Variants in HADH observed in about 807,000 individuals in gnomAD.
The protein encoded by HADH is hydroxyacyl-CoA dehydrogenase.
In HADH, 24 loss-of-function variants were observed where a neutral mutation model predicts 32.2. The observed-to-expected ratio is 0.75, with a 90% confidence interval of 0.54 to 1.05. The LOEUF is 1.05. Among genes scored for constraint, HADH ranks in the 50% least tolerant of loss-of-function variants. HADH has a pLI of 0.00. For missense variants in HADH, 350 were observed against 397.1 expected (o/e 0.88, Z 1.01); for synonymous variants, 139 against 152.5 (o/e 0.91, Z 0.65).
Position 108,014,606 on chromosome 4 carries a change from A to G in HADH, c.419+18A>G. 1 of 1,593,208 alleles carries G rather than the reference A, an allele frequency of 6.3e-7. No individual in the cohort carries two copies. Among genetic ancestry groups the G allele is most frequent in the East Asian group, 2.2e-5 (1 of 44,782 alleles). ...GCTGCTGAGTATGTAACCTCTGGAC[A>G]ATCTTCTTTTTTTTTTTTTTTAACC... is the stretch of plus-strand genomic sequence containing the variant. On this transcript the variant is annotated intron_variant, in intron 3 of 7. Coordinates refer to ENST00000309522, the MANE Select transcript of HADH (RefSeq NM_005327.7).
intron 5 of HADH, chr4:108,026,352 A>G (rs1249517238): frequency 6.6e-6 from 1 of 152,184 alleles, no homozygotes; most frequent in East Asian, 1.9e-4. Context: ...GAGTTTAAAT[A>G]TTTAATGAGT....
At chr4:108,034,199 C>T in intron 7 of HADH, 40 bp from the exon 8 acceptor site, 4 of 1,288,752 alleles carry the variant, frequency 3.1e-6, no homozygotes, top group Non-Finnish European at 4.5e-6. Flanking sequence ...AAAAATAAAC[C>T]CAGCACTTCA....
chr4:107,999,449 A>G (rs2126220443), intron 1 of HADH, among the ~76,000 whole-genome samples: 1 of 152,358 alleles, frequency 6.6e-6, no homozygotes, highest in South Asian at 2.1e-4. Context: ...TCCACTTGGT[A>G]ATTGACTAGA....
intron 1 of HADH, among the ~76,000 whole-genome samples, chr4:108,001,137 T>A (rs1422241338): frequency 6.6e-6 from 1 of 152,182 alleles, no homozygotes; most frequent in African/African-American, 2.4e-5. Context: ...GCCTGAATAA[T>A]GGATAGAACA....
At chr4:108,024,627 G>A (rs1735998488) in intron 5 of HADH, 2 of 152,102 alleles carry the variant, frequency 1.3e-5, no homozygotes, top group South Asian at 2.1e-4. Flanking sequence ...GTTTGGTTCT[G>A]TAGTTTTAAG....
chr4:108,002,168 G>A (rs982235333), intron 1 of HADH, among the ~76,000 whole-genome samples: 1 of 152,162 alleles, frequency 6.6e-6, no homozygotes, highest in Non-Finnish European at 1.5e-5. Flanking sequence ...CAGAGCAGGG[G>A]TCCCCAACTT....
chr4:108,016,056 T>C (rs747992226), intron 3 of HADH, among the ~76,000 whole-genome samples: 9 of 152,148 alleles, frequency 5.9e-5, no homozygotes, highest in Non-Finnish European at 1.3e-4. Flanking sequence ...TCAATCGAAG[T>C]ACTCTTGGGA....
intron 5 of HADH, chr4:108,024,720 AAGT>A (rs969691059): frequency 1.3e-5 from 2 of 152,252 alleles, no homozygotes; most frequent in African/African-American, 4.8e-5. Context: ...TAGTGGAAGA[AAGT>A]AGTAATGGTA....
chr4:108,000,908 G>C (rs1375113336), intron 1 of HADH, among the ~76,000 whole-genome samples: 1 of 152,158 alleles, frequency 6.6e-6, no homozygotes, highest in African/African-American at 2.4e-5. Context: ...CATATTCAAG[G>C]CATGTGATAA....
intron 2 of HADH, among the ~76,000 whole-genome samples, chr4:108,010,644 C>A (rs1207934849): frequency 6.6e-6 from 1 of 151,960 alleles, no homozygotes; most frequent in African/African-American, 2.4e-5. Context: ...TATCTAGATG[C>A]TTTTAAAAAT....
intron 5 of HADH, chr4:108,025,087 T>C (rs1285576383): frequency 1.3e-5 from 2 of 152,234 alleles, no homozygotes; most frequent in Admixed American, 1.3e-4. Flanking sequence ...ATACAGTCTC[T>C]GTTGCAAGTA....
chr4:108,014,127 A>G (rs1047396591), intron 2 of HADH, among the ~76,000 whole-genome samples: 2 of 152,202 alleles, frequency 1.3e-5, no homozygotes, highest in African/African-American at 4.8e-5. Flanking sequence ...CAGGCATATG[A>G]CAGACAATAA....
intron 5 of HADH, chr4:108,024,741 G>T (rs540584432): frequency 4.1e-4 from 63 of 152,208 alleles, no homozygotes; most frequent in Non-Finnish European, 8.7e-4. Context: ...GTATTGAAAA[G>T]AACATCTGTG....
chr4:107,998,060 C>T lies in HADH; in HGVS notation c.132+7996C>T, dbSNP rs543610913. On this transcript the variant is annotated intron_variant, in intron 1 of 7. Coordinates refer to ENST00000309522, the MANE Select transcript of HADH (RefSeq NM_005327.7). ...CCAACAAATGTCTTTATTCAGTCAACATTCCCTGAGGGCCAGCCACAGCCA... is the reference window on the plus strand; with the variant it reads ...CCAACAAATGTCTTTATTCAGTCAATATTCCCTGAGGGCCAGCCACAGCCA... Among the ~76,000 whole-genome samples, 5 of 152,324 alleles carry T rather than the reference C, an allele frequency of 3.3e-5. No homozygotes were observed. The South Asian group carries it at 1.0e-3, about 32-fold the overall frequency.
rs796329570 is a variant in HADH at position 108,022,277 on chromosome 4, T to C, written c.547-1197T>C. On this transcript the variant is annotated intron_variant, in intron 4 of 7. Coordinates refer to ENST00000309522, the MANE Select transcript of HADH (RefSeq NM_005327.7). ...CGCATCTCTCCTGTTTAAAAATATA[T>C]ATATATATACTTCATCTGGTTCTTT... Among the ~76,000 whole-genome samples, 15 of 151,448 alleles carry C rather than the reference T, an allele frequency of 9.9e-5. No homozygotes were observed. In the East Asian group the frequency reaches 1.5e-3, roughly 16 times the overall value.
At position 108,019,766 on chromosome 4, in the gene HADH, G is replaced by A. The variant is rs375358095; in HGVS notation, c.546+100G>A. The A allele has an allele frequency of 4.5e-5, 62 of 1,376,416 alleles. No homozygotes were observed. In the African/African-American group the frequency reaches 7.3e-4, roughly 16 times the overall value. The allele number at this position is 1,376,416 out of a possible 1,614,324, so 85.3% of individuals were successfully genotyped here. ...GCCCTGCCACCAGTTGCCTAGGATG[G>A]GTTTTAACCTGAGGGTAGAAGGTTG... On this transcript the variant is annotated intron_variant, in intron 4 of 7. Coordinates refer to ENST00000309522, the MANE Select transcript of HADH (RefSeq NM_005327.7).
intron 6 of HADH, chr4:108,032,524 T>G (rs532227196): frequency 8.1e-4 from 453 of 560,568 alleles, no homozygotes; most frequent in Non-Finnish European, 1.4e-3. Context: ...AAAGTTTATT[T>G]ATAAATCAAA....
rs1196763460 is a variant in HADH, at chr4:108,023,549, C to G, written c.622C>G (p.Pro208Ala). The G allele has an allele frequency of 6.3e-7, 1 of 1,599,892 alleles. No individual in the cohort carries two copies. Among genetic ancestry groups the G allele is most frequent in the Non-Finnish European group, 8.6e-7 (1 of 1,166,974 alleles). Residue 208 changes from proline (P) to alanine (A), a missense_variant, in exon 5 of 8, where the codon CCT becomes GCT. By Grantham distance (27) the Pro-to-Ala change is conservative (BLOSUM62 -1). Coordinates refer to ENST00000309522, the MANE Select transcript of HADH (RefSeq NM_005327.7). ...CTTTAGCAAAGCCCTAGGAAAGCAT[C>G]CTGTTTCTTGCAAGGTAAGAGTATG... ...VDFSKALGKHPVSCKDTPGFI... is the reference protein window; with the variant it reads ...VDFSKALGKHAVSCKDTPGFI...
chr4:107,997,622 G>A (rs1219214216), intron 1 of HADH, among the ~76,000 whole-genome samples: 2 of 152,064 alleles, frequency 1.3e-5, no homozygotes, highest in African/African-American at 4.8e-5. Context: ...ACCAGGCCTA[G>A]AAAAGTCATG....
Sources: gnomAD v4.1 joint callset for allele counts (sites outside exome capture counted in the v4.1 genomes callset) on GRCh38, gnomAD v4.1.1 for gene constraint, MANE v1.5 for transcripts, NCBI Gene and HGNC (gene_info 2026-07-23, HGNC 2026-07-21) for gene names.